The following REC114 variants were observed in gnomAD, a reference collection of about 807,000 sequenced individuals.
REC114 encodes REC114 meiotic recombination protein.
In REC114, 27 loss-of-function variants were observed where a neutral mutation model predicts 31.3. The ratio of observed to expected loss-of-function variants is 0.86; its 90% CI spans 0.64 to 1.19. The LOEUF is 1.19. REC114 is among the 50% of genes most tolerant of loss of function. REC114 has a pLI of 0.00. For missense variants in REC114, 344 were observed against 326.9 expected, an observed-to-expected ratio of 1.05 and a Z score of -0.40; for synonymous variants, 134 against 127.7, an observed-to-expected ratio of 1.05 and a Z score of -0.33.
intron 1 of REC114, among the ~76,000 whole-genome samples, chr15:73,462,009 G>A (rs1177882659): frequency 7.2e-6 from 1 of 139,124 alleles, no homozygotes; most frequent in African/African-American, 2.7e-5. Flanking sequence ...TCGGCTCACT[G>A]CAACCTCTGC....
intron 4 of REC114, among the ~76,000 whole-genome samples, chr15:73,552,137 T>C (rs1894401933): frequency 6.6e-6 from 1 of 152,272 alleles, no homozygotes; most frequent in Non-Finnish European, 1.5e-5. Context: ...AACAAGTTTA[T>C]TGCCATGGTT....
At chr15:73,454,950 A>C (rs1595859532) in intron 1 of REC114, among the ~76,000 whole-genome samples, 1 of 152,312 alleles carries the variant, frequency 6.6e-6, no homozygotes, top group Non-Finnish European at 1.5e-5. Flanking sequence ...TATAAGGAAC[A>C]GTGCTTTTAA....
chr15:73,450,018 C>T (rs1440196987), intron 1 of REC114, among the ~76,000 whole-genome samples: 1 of 152,142 alleles, frequency 6.6e-6, no homozygotes, highest in Non-Finnish European at 1.5e-5. Context: ...TGAACCAGTA[C>T]CAGCCACTGC....
intron 2 of REC114, among the ~76,000 whole-genome samples, chr15:73,504,191 G>C (rs1595872058): frequency 6.6e-6 from 1 of 151,878 alleles, no homozygotes; most frequent in East Asian, 1.9e-4. Flanking sequence ...ATTTTTAGTA[G>C]AGACGGGGTT....
At chr15:73,530,448 G>A (rs114616863) in intron 2 of REC114, among the ~76,000 whole-genome samples, 2,280 of 152,200 alleles carry the variant, frequency 0.015, 49 homozygotes, top group African/African-American at 0.052. Context: ...GATTGCTTGC[G>A]ACCAGCCCGT....
chr15:73,476,185 A>G (rs1038809815), intron 2 of REC114, among the ~76,000 whole-genome samples: 2 of 152,216 alleles, frequency 1.3e-5, no homozygotes, highest in Admixed American at 6.5e-5. Flanking sequence ...ATGACTATAC[A>G]TATATAACTT....
chr15:73,520,274 C>G (rs1893917566), intron 2 of REC114, among the ~76,000 whole-genome samples: 1 of 152,040 alleles, frequency 6.6e-6, no homozygotes, highest in African/African-American at 2.4e-5. Flanking sequence ...CCCTGTAGCC[C>G]AGGCTGGAGT....
At chr15:73,523,673 C>G (rs889371329) in intron 2 of REC114, among the ~76,000 whole-genome samples, 1 of 152,088 alleles carries the variant, frequency 6.6e-6, no homozygotes, top group Non-Finnish European at 1.5e-5. Flanking sequence ...CTTAACGTTG[C>G]CTTTGGAAGA....
At chr15:73,545,113 A>G (rs1463104336) in intron 3 of REC114, among the ~76,000 whole-genome samples, 1 of 152,218 alleles carries the variant, frequency 6.6e-6, no homozygotes, top group East Asian at 1.9e-4. Flanking sequence ...AGATAAGTGA[A>G]AAGAGATGAG....
At chr15:73,498,283 C>G (rs563530125) in intron 2 of REC114, among the ~76,000 whole-genome samples, 1 of 151,950 alleles carries the variant, frequency 6.6e-6, no homozygotes, top group African/African-American at 2.4e-5. Context: ...ATCCACTGCC[C>G]GAGATCATTT....
At chr15:73,455,475 C>G (rs1892902986) in intron 1 of REC114, among the ~76,000 whole-genome samples, 1 of 152,012 alleles carries the variant, frequency 6.6e-6, no homozygotes, top group African/African-American at 2.4e-5. Flanking sequence ...AAACTTTCAT[C>G]ACAATGGCTC....
intron 1 of REC114, among the ~76,000 whole-genome samples, chr15:73,456,601 A>T (rs750505762): frequency 1.3e-5 from 2 of 152,188 alleles, no homozygotes; most frequent in Non-Finnish European, 2.9e-5. Context: ...TTTCCTTATG[A>T]TAATGTGTTA....
chr15:73,452,762 A>G (rs1259917232), intron 1 of REC114, among the ~76,000 whole-genome samples: 4 of 152,254 alleles, frequency 2.6e-5, no homozygotes, highest in African/African-American at 7.2e-5. Flanking sequence ...CCAAAACAGC[A>G]TGGTACTGGT....
intron 2 of REC114, among the ~76,000 whole-genome samples, chr15:73,500,051 G>A (rs72741466): frequency 0.028 from 4,279 of 151,890 alleles, 106 homozygotes; most frequent in Middle Eastern, 0.095. Context: ...TTCCAACTCA[G>A]TCTTCACTGG....
At chr15:73,543,942 CTTTTTT>C (rs34215297) in intron 3 of REC114, among the ~76,000 whole-genome samples, 7 of 74,096 alleles carry the variant, frequency 9.4e-5, no homozygotes, top group Non-Finnish European at 1.5e-4. Flanking sequence ...TGTTAACTGG[CTTTTTT>C]TTTTTTTTTT....
In REC114 at chr15:73,537,698, A is replaced by G. The variant is rs183067104; in HGVS notation, c.250-2787A>G. Among the ~76,000 whole-genome samples the G allele has an allele frequency of 1.8e-4, 28 of 152,378 alleles. 1 individual carries two copies. The East Asian group carries it at 3.3e-3, about 18-fold the overall frequency. On this transcript the variant is annotated intron_variant, in intron 2 of 5. Transcript: ENST00000331090. ...TAAGCATTAAGCATAACATTAAACA[A>G]TAATGTTGTCCAGCACAAATGTTTG...
At chr15:73,557,244 A>G (rs1894482554) in intron 5 of REC114, among the ~76,000 whole-genome samples, 1 of 151,172 alleles carries the variant, frequency 6.6e-6, no homozygotes, top group African/African-American at 2.4e-5. Flanking sequence ...TAATTTTTGT[A>G]TTTTTAGTAG....
chr15:73,507,966 AC>A (rs1184251467), intron 2 of REC114, among the ~76,000 whole-genome samples: 2 of 152,160 alleles, frequency 1.3e-5, no homozygotes, highest in Non-Finnish European at 2.9e-5. Context: ...GTCTGTATAA[AC>A]GAGGTGGATG....
At chr15:73,497,779 A>G (rs535062417) in intron 2 of REC114, among the ~76,000 whole-genome samples, 46 of 152,294 alleles carry the variant, frequency 3.0e-4, no homozygotes, top group African/African-American at 9.9e-4. Flanking sequence ...TAGAGTGTCC[A>G]CTTATTTCTA....
Sources: gnomAD v4.1 joint callset for allele counts (sites outside exome capture counted in the v4.1 genomes callset) on GRCh38, gnomAD v4.1.1 for gene constraint, MANE v1.5 for transcripts, NCBI Gene and HGNC (gene_info 2026-07-23, HGNC 2026-07-21) for gene names.